Variants in SLC22A15 observed in about 807,000 individuals in gnomAD.
The protein encoded by SLC22A15 is solute carrier family 22 member 15.
SLC22A15 carries 45 observed loss-of-function variants against 62.7 expected under a neutral mutation model. The observed-to-expected ratio is 0.72, with a 90% confidence interval of 0.56 to 0.92. The LOEUF is 0.92. Among genes scored for constraint, SLC22A15 ranks in the 40% least tolerant of loss-of-function variants. The pLI, the probability that SLC22A15 is intolerant of heterozygous loss-of-function variation, is 0.00. For missense variants in SLC22A15, 622 were observed against 665.6 expected (o/e 0.93, Z 0.72); for synonymous variants, 264 against 267.0 (o/e 0.99, Z 0.11).
intron 2 of SLC22A15, chr1:116,013,971 C>T (rs536871845): frequency 1.3e-5 from 2 of 152,346 alleles, no homozygotes; most frequent in African/African-American, 2.4e-5. Flanking sequence ...TGGATCTTCC[C>T]GCTCACATGC....
In SLC22A15 at chr1:116,032,215, C is replaced by G; in HGVS notation, c.944+634C>G. 3 of 985,376 alleles carry G rather than the reference C, an allele frequency of 3.0e-6. 1 individual carries two copies. 61.0% of individuals were successfully genotyped at this position (985,376 alleles called of 1,614,324 possible). A position where few individuals can be genotyped will look rare whatever the true frequency, so the allele number is the denominator to read the frequency against. ...ATTCCCACCTACCTTTCAAAATGCT[C>G]TCAGCGTGAGTGTAAGTTGCATTCA... is the stretch of plus-strand genomic sequence containing the variant. On this transcript the variant is annotated intron_variant, in intron 6 of 11. Coordinates refer to ENST00000369503, the MANE Select transcript of SLC22A15 (RefSeq NM_018420.3).
chr1:116,031,724 T>C, intron 6 of SLC22A15, 143 bp downstream of exon 6: 3 of 1,452,678 alleles, frequency 2.1e-6, no homozygotes, highest in Non-Finnish European at 1.8e-6. Context: ...AGTCTCCTGA[T>C]CCTTAGCGCC....
intron 2 of SLC22A15, among the ~76,000 whole-genome samples, chr1:115,996,484 A>T (rs1259186044): frequency 2.0e-5 from 3 of 151,958 alleles, no homozygotes; most frequent in Non-Finnish European, 4.4e-5. Flanking sequence ...GATTTCTTTC[A>T]TCAATGTTTC....
In SLC22A15 at chr1:116,062,589, A is replaced by G. The variant is rs114001560; in HGVS notation, c.1172-173A>G. ...AGGGTAGAGCCAAAACACTGAGAAA[A>G]TAGATGCATGTGTTGTGTGATTACT... On this transcript the variant is annotated intron_variant, in intron 8 of 11. Transcript: ENST00000369503. Among the ~76,000 whole-genome samples, 791 of 152,306 alleles carry G rather than the reference A, an allele frequency of 5.2e-3. 6 individuals carry two copies. The highest frequency in any genetic ancestry group is 0.01 in the Middle Eastern group (3 of 292).
At chr1:115,988,103 GA>G (rs954286057) in intron 1 of SLC22A15, among the ~76,000 whole-genome samples, 5 of 152,236 alleles carry the variant, frequency 3.3e-5, no homozygotes, top group African/African-American at 4.8e-5. Context: ...TTGAAAGGGG[GA>G]AAAAAATCCA....
chr1:116,025,494 A>G (rs779602669), intron 4 of SLC22A15, among the ~76,000 whole-genome samples: 1 of 152,220 alleles, frequency 6.6e-6, no homozygotes, highest in Non-Finnish European at 1.5e-5. Flanking sequence ...GCCATCACTT[A>G]TTTGTTATAA....
intron 2 of SLC22A15, among the ~76,000 whole-genome samples, chr1:115,999,579 C>T (rs974739658): frequency 6.7e-6 from 1 of 150,122 alleles, no homozygotes; most frequent in Non-Finnish European, 1.5e-5. Context: ...TCTCAGCTTA[C>T]TGCAACCTCC....
In SLC22A15 at chr1:116,031,573, G is replaced by C. The variant is rs528312917; in HGVS notation, c.936G>C (p.Met312Ile). The C allele has an allele frequency of 6.2e-7, 1 of 1,613,650 alleles. No homozygotes were observed. The highest frequency in any genetic ancestry group is 8.5e-7 in the Non-Finnish European group (1 of 1,179,756). ...RVLLGHTLIL[M>I]FIWFVCSLVY... ...TGTTAGGACACACTTTGATCCTGAT[G>C]TTCATCTGGTAATTATACTAAGGCG... The change falls in exon 6 of 12, where the codon ATG becomes ATC. Residue 312 changes from methionine to isoleucine, a missense_variant. Met to Ile is a conservative substitution (Grantham distance 10, BLOSUM62 1). Coordinates refer to ENST00000369503, the MANE Select transcript of SLC22A15 (RefSeq NM_018420.3).
At chr1:116,031,313 C>T (rs1355675724) in intron 5 of SLC22A15, 53 bp from the exon 6 acceptor site, 2 of 1,374,096 alleles carry the variant, frequency 1.5e-6, no homozygotes, top group African/African-American at 2.9e-5. Flanking sequence ...TTGTCTCCTT[C>T]CTGTGCACGT....
intron 8 of SLC22A15, among the ~76,000 whole-genome samples, chr1:116,042,429 CAT>C (rs1390687372): frequency 1.3e-5 from 2 of 151,626 alleles, no homozygotes; most frequent in Non-Finnish European, 1.5e-5. Context: ...CAGTTAAAGA[CAT>C]AAAAAAACTA....
intron 8 of SLC22A15, among the ~76,000 whole-genome samples, chr1:116,047,908 T>C (rs1657968375): frequency 9.9e-5 from 15 of 152,060 alleles, no homozygotes; most frequent in Admixed American, 8.5e-4. Flanking sequence ...TCAGGAAACA[T>C]TGGACACACT....
In SLC22A15 at chr1:115,992,243, G is replaced by A; in HGVS notation, c.300G>A (p.Glu100=). 3 of 1,570,066 alleles carry A rather than the reference G, an allele frequency of 1.9e-6. No individual in the cohort carries two copies. The highest frequency in any genetic ancestry group is 2.6e-6 in the Non-Finnish European group (3 of 1,156,774). Residue 100 remains glutamate (E), a splice_region_variant and synonymous_variant, in exon 2 of 12, where the codon GAG becomes GAA. Transcript: ENST00000369503. ...GCAGCTTCACCTCCATCGCCTCGGA[G>A]GTAACAACAGGCTGTTTCAATCACT... ...FSSSFTSIAS[E]WFLIANRSYK...
Position 116,066,706 on chromosome 1 carries a change from C to G in SLC22A15, c.1552C>G (p.Gln518Glu). The G allele has an allele frequency of 1.9e-6, 3 of 1,609,842 alleles. No individual in the cohort carries two copies. Among genetic ancestry groups the G allele is most frequent in the Non-Finnish European group, 2.5e-6 (3 of 1,178,308 alleles). ...ALSLQALDPQ[Q>E]CVDKESSLGS... The stretch of plus-strand genomic sequence containing the variant: ...ATCTTTACAGGCTTTGGACCCCCAA[C>G]AGGTGTGATATTTTTCTTAATTATT... The change falls in exon 11 of 12, where the codon CAG becomes GAG. Residue 518 changes from glutamine (Q) to glutamate (E), a missense_variant and splice_region_variant. Transcript: ENST00000369503.
intron 2 of SLC22A15, among the ~76,000 whole-genome samples, chr1:116,009,738 T>C (rs1467644573): frequency 6.6e-6 from 1 of 152,196 alleles, no homozygotes; most frequent in African/African-American, 2.4e-5. Flanking sequence ...CCTAAACATG[T>C]CACTAAGTTG....
chr1:116,051,978 CAGA>C (rs1306741988), intron 8 of SLC22A15, among the ~76,000 whole-genome samples: 1 of 152,222 alleles, frequency 6.6e-6, no homozygotes, highest in African/African-American at 2.4e-5. Context: ...GTGAGCGACG[CAGA>C]AGATGGGTGA....
intron 7 of SLC22A15, 99 bp from the exon 8 acceptor site, chr1:116,037,204 T>C (rs1204661133): frequency 2.0e-6 from 2 of 1,023,690 alleles, no homozygotes; most frequent in Non-Finnish European, 1.5e-6. Context: ...GATGAACATA[T>C]ATAATGAAAC....
At chr1:116,062,168 T>C (rs1658400081) in intron 8 of SLC22A15, among the ~76,000 whole-genome samples, 1 of 152,150 alleles carries the variant, frequency 6.6e-6, no homozygotes, top group African/African-American at 2.4e-5. Context: ...GAGATCGCGC[T>C]GTGGCACTCC....
intron 1 of SLC22A15, among the ~76,000 whole-genome samples, chr1:115,991,246 C>A (rs1655128432): frequency 6.6e-6 from 1 of 152,138 alleles, no homozygotes; most frequent in African/African-American, 2.4e-5. Context: ...TTTCAAGTAG[C>A]TGTAAAGCCC....
chr1:115,993,021 C>G (rs761304260), intron 2 of SLC22A15, among the ~76,000 whole-genome samples: 5 of 152,122 alleles, frequency 3.3e-5, no homozygotes, highest in Admixed American at 6.5e-5. Flanking sequence ...GGTCAGGAAG[C>G]CTTACTTTCA....
Sources: gnomAD v4.1 joint callset for allele counts (sites outside exome capture counted in the v4.1 genomes callset) on GRCh38, gnomAD v4.1.1 for gene constraint, MANE v1.5 for transcripts, NCBI Gene and HGNC (gene_info 2026-07-23, HGNC 2026-07-21) for gene names.